S100A14: variants seen among roughly 807,000 people sequenced by gnomAD.
S100A14 encodes protein S100-A14.
S100A14 carries 6 observed loss-of-function variants against 10.6 expected under a neutral mutation model. The observed-to-expected ratio is 0.57, with a 90% CI of 0.31 to 1.12. The LOEUF is 1.12. Ranked by LOEUF, S100A14 falls within the 50% of genes most tolerant of loss-of-function variation. The probability of loss-of-function intolerance (pLI) is 0.06; values close to 1 mark genes in which losing one functional copy is unlikely to be tolerated. For synonymous variants in S100A14, 51 were observed against 51.0 expected (o/e 1.00, Z 0.00); for missense variants, 121 against 128.7 (o/e 0.94, Z 0.29).
chr1:153,615,948 A>G lies in S100A14; in HGVS notation c.-78-12T>C. 7.6e-7 allele frequency: 1 copy of G among 1,324,376 alleles called. No homozygotes were observed. The highest frequency in any genetic ancestry group is 1.1e-6 in the Non-Finnish European group (1 of 918,364). The allele number at this position is 1,324,376 out of a possible 1,614,324, so 82.0% of individuals were successfully genotyped here. On this transcript the variant is annotated splice_polypyrimidine_tract_variant and intron_variant, in intron 1 of 3. Transcript: ENST00000344616. ...TGATGGCTCATGATCTGCTTAGAGG[A>G]GGGGGTAGGCCTGAGCTGAGGAGAG...
Position 153,615,878 on chromosome 1 carries a change from C to G in S100A14, c.-20G>C. The G allele has an allele frequency of 6.2e-7, 1 of 1,613,646 alleles. No individual in the cohort carries two copies. The highest frequency in any genetic ancestry group is 8.5e-7 in the Non-Finnish European group (1 of 1,179,646). ...TCCCATGGTGCCCACTGTGTCTGGT[C>G]CTTTGGTGAGAGTTCTGTTGTCCTA... On this transcript the variant is annotated 5_prime_UTR_variant, in exon 2 of 4. Coordinates refer to ENST00000344616, the MANE Select transcript of S100A14 (RefSeq NM_020672.3).
In S100A14 at chr1:153,615,287, G is replaced by T. The variant is rs1470290183; in HGVS notation, c.125C>A (p.Thr42Asn). The T allele has an allele frequency of 9.9e-6, 16 of 1,613,856 alleles. No individual in the cohort carries two copies. Among genetic ancestry groups the T allele is most frequent in the Non-Finnish European group, 1.4e-5 (16 of 1,179,990 alleles). The change falls in exon 3 of 4, where the codon ACC (threonine) becomes AAC (asparagine). Residue 42 changes from threonine (T) to asparagine (N), a missense_variant. Thr to Asn is a moderately conservative substitution (Grantham distance 65). Transcript: ENST00000344616. ...YSVEGGKETL[T>N]PSELRDLVTQ... The stretch of plus-strand genomic sequence containing the variant: ...GACCAGGTCCCGTAGCTCAGAAGGG[G>T]TCAGCGTCTCCTTCCCACCCTCCAC...
Position 153,615,025 on chromosome 1 carries a change from G to C in S100A14, c.178-3C>G. 1 of 1,613,512 alleles carries C rather than the reference G, an allele frequency of 6.2e-7. No individual in the cohort carries two copies. The highest frequency in any genetic ancestry group is 8.5e-7 in the Non-Finnish European group (1 of 1,179,784). On this transcript the variant is annotated splice_region_variant and splice_polypyrimidine_tract_variant and intron_variant, in intron 3 of 3. Transcript: ENST00000344616. ...TTCTCTTCCAGGCCACAGTTGCTCT[G>C]AGGGGAGTGAAGAAACCATGGCTCA...
Position 153,615,281 on chromosome 1 carries a change from G to C in S100A14, c.131C>G (p.Ser44Cys). 1 of 1,613,964 alleles carries C rather than the reference G, an allele frequency of 6.2e-7. No individual in the cohort carries two copies. Among genetic ancestry groups the C allele is most frequent in the Non-Finnish European group, 8.5e-7 (1 of 1,179,986 alleles). ...VEGGKETLTP[S>C]ELRDLVTQQL... ...CTGGGTGACCAGGTCCCGTAGCTCA[G>C]AAGGGGTCAGCGTCTCCTTCCCACC... Residue 44 changes from serine (S) to cysteine (C), a missense_variant, in exon 3 of 4, where the codon TCT becomes TGT. Physicochemically the swap from Ser to Cys is moderately radical, Grantham distance 112 (BLOSUM62 -1). Coordinates refer to ENST00000344616, the MANE Select transcript of S100A14 (RefSeq NM_020672.3).
rs1666921478 is a variant in S100A14, at chr1:153,614,729, A to G, written c.*156T>C. The G allele has an allele frequency of 2.2e-6, 2 of 908,858 alleles. No homozygotes were observed. Among genetic ancestry groups the G allele is most frequent in the South Asian group, 3.6e-5 (2 of 55,876 alleles). 56.3% of individuals were successfully genotyped at this position (908,858 alleles called of 1,614,324 possible). A position where few individuals can be genotyped will look rare whatever the true frequency, so the allele number is the denominator to read the frequency against. On this transcript the variant is annotated 3_prime_UTR_variant, in exon 4 of 4. Coordinates refer to ENST00000344616, the MANE Select transcript of S100A14 (RefSeq NM_020672.3). ...CACCCATGAGCTCCCCAGAGCATCC[A>G]AGACAGAGTGCACAGAGACCTGGGG... is the stretch of plus-strand genomic sequence containing the variant.
Position 153,615,302 on chromosome 1 carries a change from C to A in S100A14, c.110G>T (p.Gly37Val). Reference sequence around the variant, plus strand: ...CTCAGAAGGGGTCAGCGTCTCCTTCCCACCCTCCACGGAGTACTGGTGAAA... The same window carrying A: ...CTCAGAAGGGGTCAGCGTCTCCTTCACACCCTCCACGGAGTACTGGTGAAA... The part of the protein sequence containing the change: ...KNFHQYSVEG[G>V]KETLTPSELR... The change falls in exon 3 of 4, where the codon GGG becomes GTG. Residue 37 changes from glycine to valine, a missense_variant. Transcript: ENST00000344616. 6.2e-7 allele frequency: 1 copy of A among 1,613,944 alleles called. No homozygotes were observed. Among genetic ancestry groups the A allele is most frequent in the Non-Finnish European group, 8.5e-7 (1 of 1,179,986 alleles).
chr1:153,615,131 AG>A, intron 3 of S100A14, 103 bp downstream of exon 3: 1 of 1,583,404 alleles, frequency 6.3e-7, no homozygotes, highest in Non-Finnish European at 8.6e-7. Flanking sequence ...AGCACTGGCA[AG>A]GGGGAAGAGC....
intron 2 of S100A14, 36 bp from the exon 3 acceptor site, chr1:153,615,417 T>A: frequency 6.2e-7 from 1 of 1,604,046 alleles, no homozygotes; most frequent in Non-Finnish European, 8.5e-7. Context: ...TCAGTGAAGC[T>A]CCATGCACCC....
chr1:153,615,312 C>A lies in S100A14; in HGVS notation c.100G>T (p.Val34Leu), dbSNP rs142851889. The change falls in exon 3 of 4, where the codon GTG (valine) becomes TTG (leucine). Residue 34 changes from valine (V) to leucine (L), a missense_variant. Physicochemically the swap from Val to Leu is conservative, Grantham distance 32. Transcript: ENST00000344616. ...GTCAGCGTCTCCTTCCCACCCTCCA[C>A]GGAGTACTGGTGAAAGTTCTTGATG... ...TLIKNFHQYS[V>L]EGGKETLTPS... The A allele has an allele frequency of 6.2e-7, 1 of 1,613,998 alleles. No individual in the cohort carries two copies. Among genetic ancestry groups the A allele is most frequent in the Admixed American group, 1.7e-5 (1 of 60,020 alleles).
Position 153,615,018 on chromosome 1 carries a change from T to C in S100A14, c.182A>G (p.Asn61Ser). 6.2e-7 allele frequency: 1 copy of C among 1,613,614 alleles called. No homozygotes were observed. The highest frequency in any genetic ancestry group is 8.5e-7 in the Non-Finnish European group (1 of 1,179,856). Residue 61 changes from asparagine (N) to serine (S), a missense_variant, in exon 4 of 4, where the codon AAC (asparagine) becomes AGC (serine). Transcript: ENST00000344616. ...TQQLPHLMPSNCGLEEKIANL... is the reference protein window; with the variant it reads ...TQQLPHLMPSSCGLEEKIANL... ...GGCAATTTTCTCTTCCAGGCCACAGTTGCTCTGAGGGGAGTGAAGAAACCA... is the reference window on the plus strand; with the variant it reads ...GGCAATTTTCTCTTCCAGGCCACAGCTGCTCTGAGGGGAGTGAAGAAACCA...
chr1:153,615,383 TGAGGGCAGG>T lies in S100A14; in HGVS notation c.31-11_31-3del. On this transcript the variant is annotated splice_polypyrimidine_tract_variant and splice_region_variant and intron_variant, in intron 2 of 3. Coordinates refer to ENST00000344616, the MANE Select transcript of S100A14 (RefSeq NM_020672.3). The stretch of plus-strand genomic sequence containing the variant: ...CACATCACTGAATTCCTGAGCATCC[TGAGGGCAGG>T]GGACATCACAAACATCAGTGAAGCT... 6.2e-7 allele frequency: 1 copy of T among 1,613,284 alleles called. No individual in the cohort carries two copies. Among genetic ancestry groups the T allele is most frequent in the Non-Finnish European group, 8.5e-7 (1 of 1,179,692 alleles).
chr1:153,614,815 G>C lies in S100A14; in HGVS notation c.*70C>G, dbSNP rs542006487. 1.3e-6 allele frequency: 2 copies of C among 1,556,228 alleles called. No homozygotes were observed. The highest frequency in any genetic ancestry group is 1.7e-6 in the Non-Finnish European group (2 of 1,145,238). On this transcript the variant is annotated 3_prime_UTR_variant, in exon 4 of 4. Transcript: ENST00000344616. The stretch of plus-strand genomic sequence containing the variant: ...CAGGCTAGGGTACAGGGTGGTGGTA[G>C]AGGAGACAAGTTTTATCTCCAGGCC...
At position 153,614,621 on chromosome 1, in the gene S100A14, T is replaced by C; in HGVS notation, c.*264A>G. ...TGTTCTCCCCCTACTACCAATTCTT[T>C]GGCTCTTACACAATTTTTATCCCTC... On this transcript the variant is annotated 3_prime_UTR_variant, in exon 4 of 4. Transcript: ENST00000344616. 2.5e-6 allele frequency: 1 copy of C among 398,908 alleles called. No homozygotes were observed. The highest frequency in any genetic ancestry group is 4.5e-6 in the Non-Finnish European group (1 of 223,330). 24.7% of individuals were successfully genotyped at this position (398,908 alleles called of 1,614,324 possible). A position where few individuals can be genotyped will look rare whatever the true frequency, so the allele number is the denominator to read the frequency against.
At chr1:153,615,462 C>T in intron 2 of S100A14, 81 bp from the exon 3 acceptor site, 1 of 1,520,730 alleles carries the variant, frequency 6.6e-7, no homozygotes, top group South Asian at 1.3e-5. Flanking sequence ...TAGCAAAGCC[C>T]CCAGGGCAGA....
At chr1:153,615,497 C>A in intron 2 of S100A14, 116 bp from the exon 3 acceptor site, 1 of 1,201,688 alleles carries the variant, frequency 8.3e-7, no homozygotes. Context: ...CACACAGCTC[C>A]CACCCACTCC....
At chr1:153,616,219 C>G (rs909484899) in intron 1 of S100A14, 76 bp downstream of exon 1, 1 of 231,274 alleles carries the variant, frequency 4.3e-6, no homozygotes, top group Non-Finnish European at 8.9e-6. Flanking sequence ...AGGATCTGAT[C>G]CCCCAGCTCT....
Position 153,615,031 on chromosome 1 carries a change from A to C in S100A14, c.178-9T>G. 6.2e-7 allele frequency: 1 copy of C among 1,613,056 alleles called. No homozygotes were observed. The highest frequency in any genetic ancestry group is 8.5e-7 in the Non-Finnish European group (1 of 1,179,554). ...TCCAGGCCACAGTTGCTCTGAGGGG[A>C]GTGAAGAAACCATGGCTCAGGGATG... is the stretch of plus-strand genomic sequence containing the variant. On this transcript the variant is annotated splice_polypyrimidine_tract_variant and intron_variant, in intron 3 of 3. Transcript: ENST00000344616.
chr1:153,614,828 T>G lies in S100A14; in HGVS notation c.*57A>C. On this transcript the variant is annotated 3_prime_UTR_variant, in exon 4 of 4. Transcript: ENST00000344616. ...AGGGTGGTGGTAGAGGAGACAAGTT[T>G]TATCTCCAGGCCCACAGTCTCTCCC... 1 of 1,584,434 alleles carries G rather than the reference T, an allele frequency of 6.3e-7. No individual in the cohort carries two copies. Among genetic ancestry groups the G allele is most frequent in the Non-Finnish European group, 8.6e-7 (1 of 1,165,824 alleles).
chr1:153,614,811 G>T lies in S100A14; in HGVS notation c.*74C>A. The T allele has an allele frequency of 6.5e-7, 1 of 1,542,568 alleles. No homozygotes were observed. The highest frequency in any genetic ancestry group is 8.8e-7 in the Non-Finnish European group (1 of 1,134,080). On this transcript the variant is annotated 3_prime_UTR_variant, in exon 4 of 4. Transcript: ENST00000344616. The stretch of plus-strand genomic sequence containing the variant: ...GGTGCAGGCTAGGGTACAGGGTGGT[G>T]GTAGAGGAGACAAGTTTTATCTCCA...
Sources: gnomAD v4.1 joint callset for allele counts on GRCh38, gnomAD v4.1.1 for gene constraint, MANE v1.5 for transcripts, NCBI Gene and HGNC (gene_info 2026-07-23, HGNC 2026-07-21) for gene names.